The following UBE2D4 variants were observed in gnomAD, a reference collection of about 807,000 sequenced individuals.
UBE2D4 encodes ubiquitin conjugating enzyme E2 D4.
A neutral mutation model predicts 23.0 loss-of-function variants in UBE2D4; 17 were observed. That is an observed-to-expected ratio of 0.74 (90% confidence interval 0.51 to 1.11). UBE2D4 has a LOEUF of 1.11. UBE2D4 is among the 50% of genes least tolerant of loss of function. The probability of loss-of-function intolerance (pLI) is 0.00; values close to 1 mark genes in which losing one functional copy is unlikely to be tolerated. For synonymous variants in UBE2D4, 61 were observed against 69.4 expected (o/e 0.88, Z 0.60); for missense variants, 139 against 181.8 (o/e 0.76, Z 1.35).
At chr7:43,951,419 G>A (rs1335014637) in intron 6 of UBE2D4, among the ~76,000 whole-genome samples, 1 of 152,194 alleles carries the variant, frequency 6.6e-6, no homozygotes, top group African/African-American at 2.4e-5. Flanking sequence ...CTCAGTTGTG[G>A]ACCTTCAGGG....
At chr7:43,935,302 G>A (rs1562598958) in intron 1 of UBE2D4, among the ~76,000 whole-genome samples, 1 of 152,000 alleles carries the variant, frequency 6.6e-6, no homozygotes, top group Non-Finnish European at 1.5e-5. Flanking sequence ...TTAGGTTGGG[G>A]GCCCTTTTCT....
chr7:43,926,496 C>T lies in UBE2D4; in HGVS notation c.-37C>T. On this transcript the variant is annotated 5_prime_UTR_variant, in exon 1 of 7. Coordinates refer to ENST00000222402, the MANE Select transcript of UBE2D4 (RefSeq NM_015983.4). Reference sequence around the variant, plus strand: ...CGGCAGCGGGCCGCCTCAGGCAGCCCCGGCCGGGCCGCCCGGGTCCCCGGC... The same window carrying T: ...CGGCAGCGGGCCGCCTCAGGCAGCCTCGGCCGGGCCGCCCGGGTCCCCGGC... The T allele has an allele frequency of 4.7e-6, 7 of 1,489,816 alleles. No individual in the cohort carries two copies. The highest frequency in any genetic ancestry group is 6.3e-6 in the Non-Finnish European group (7 of 1,117,854). The allele number at this position is 1,489,816 out of a possible 1,614,324, so 92.3% of individuals were successfully genotyped here. A position where few individuals can be genotyped will look rare whatever the true frequency, so the allele number is the denominator to read the frequency against.
intron 1 of UBE2D4, among the ~76,000 whole-genome samples, chr7:43,932,135 G>A (rs752331563): frequency 2.1e-4 from 32 of 151,936 alleles, no homozygotes; most frequent in Non-Finnish European, 3.5e-4. Flanking sequence ...GACTACAGGC[G>A]CCTGCCACCA....
chr7:43,940,651 C>G (rs1028744565), intron 2 of UBE2D4, among the ~76,000 whole-genome samples: 9 of 152,198 alleles, frequency 5.9e-5, no homozygotes, highest in Non-Finnish European at 1.2e-4. Context: ...CCTGTATATC[C>G]TTTCTCGTCC....
intron 1 of UBE2D4, among the ~76,000 whole-genome samples, chr7:43,926,938 G>T (rs1028465849): frequency 6.6e-6 from 1 of 152,222 alleles, no homozygotes; most frequent in Non-Finnish European, 1.5e-5. Flanking sequence ...TGGGGAAAAG[G>T]GGAAAAGGCT....
At chr7:43,928,198 TG>T (rs1366076588) in intron 1 of UBE2D4, 20 of 307,224 alleles carry the variant, frequency 6.5e-5, no homozygotes, top group East Asian at 3.2e-4. Context: ...CTTATTATTG[TG>T]GGGGGGCCAC....
intron 4 of UBE2D4, among the ~76,000 whole-genome samples, chr7:43,947,433 G>C (rs2095990532): frequency 6.6e-6 from 1 of 152,142 alleles, no homozygotes; most frequent in Non-Finnish European, 1.5e-5. Flanking sequence ...GCCTGGCCCA[G>C]TGTTTGGTTT....
intron 5 of UBE2D4, among the ~76,000 whole-genome samples, chr7:43,950,387 T>C (rs2095999418): frequency 6.6e-6 from 1 of 152,064 alleles, no homozygotes; most frequent in African/African-American, 2.4e-5. Flanking sequence ...GAGGGAAGTA[T>C]CCTAGCACAG....
chr7:43,940,073 A>G (rs1233043821), intron 2 of UBE2D4, among the ~76,000 whole-genome samples: 1 of 152,232 alleles, frequency 6.6e-6, no homozygotes, highest in Non-Finnish European at 1.5e-5. Flanking sequence ...AAAGGAGGGC[A>G]TGGCATCATA....
In UBE2D4 at chr7:43,926,537, C is replaced by A. The variant is rs766557323; in HGVS notation, c.5C>A (p.Ala2Glu). M[A>E]LKRIQKELTD... ...GGTCCCCGGCAGCGGGGTAGGATGG[C>A]GCTAAAGCGGATCCAGAAGGTACGC... Residue 2 changes from alanine (A) to glutamate (E), a missense_variant, in exon 1 of 7, where the codon GCG becomes GAG. Ala to Glu is a moderately radical substitution (Grantham distance 107). Coordinates refer to ENST00000222402, the MANE Select transcript of UBE2D4 (RefSeq NM_015983.4). 6.4e-7 allele frequency: 1 copy of A among 1,565,182 alleles called. No homozygotes were observed. The highest frequency in any genetic ancestry group is 8.6e-7 in the Non-Finnish European group (1 of 1,159,644).
rs1721085222 is a variant in UBE2D4 at position 43,954,638 on chromosome 7, A to T, written c.*1943A>T. 6.6e-6 allele frequency: 1 copy of T among 152,144 alleles called. No homozygotes were observed. The highest frequency in any genetic ancestry group is 2.4e-5 in the African/African-American group (1 of 41,422). The allele number at this position is 152,144 out of a possible 1,614,324, so 9.4% of individuals were successfully genotyped here. ...TTGCTTAAACAAAACAATAAAGCTT[A>T]ATAGTTGGGGAGAATGCTGTTACCA... On this transcript the variant is annotated 3_prime_UTR_variant, in exon 7 of 7. Transcript: ENST00000222402.
intron 5 of UBE2D4, among the ~76,000 whole-genome samples, chr7:43,949,881 T>G (rs2095997822): frequency 6.6e-6 from 1 of 151,968 alleles, no homozygotes; most frequent in South Asian, 2.1e-4. Flanking sequence ...TGAGATCGAG[T>G]TTTGCTCTTG....
At chr7:43,948,803 G>C in intron 5 of UBE2D4, 66 bp downstream of exon 5, 1 of 1,276,656 alleles carries the variant, frequency 7.8e-7, no homozygotes, top group Non-Finnish European at 1.1e-6. Context: ...CACTGACTGA[G>C]TGGAAATGGA....
Position 43,926,518 on chromosome 7 carries a change from C to CCCG in UBE2D4, c.-15_-14insCCG. ...GCCCCGGCCGGGCCGCCCGGGTCCC[C>CCCG]GGCAGCGGGGTAGGATGGCGCTAAA... On this transcript the variant is annotated 5_prime_UTR_variant, in exon 1 of 7. Transcript: ENST00000222402. 1 of 1,528,668 alleles carries CCCG rather than the reference C, an allele frequency of 6.5e-7. No individual in the cohort carries two copies. The highest frequency in any genetic ancestry group is 8.8e-7 in the Non-Finnish European group (1 of 1,139,396). The allele number at this position is 1,528,668 out of a possible 1,614,324, so 94.7% of individuals were successfully genotyped here. A position where few individuals can be genotyped will look rare whatever the true frequency, so the allele number is the denominator to read the frequency against.
rs190098745 is a variant in UBE2D4 at position 43,927,884 on chromosome 7, G to A, written c.24+1328G>A. On this transcript the variant is annotated intron_variant, in intron 1 of 6. Coordinates refer to ENST00000222402, the MANE Select transcript of UBE2D4 (RefSeq NM_015983.4). ...TCAATACGAGTTAGCTGCTGTTATT[G>A]TTCAAAATTCTTCACTAAGTATTTG... The A allele has an allele frequency of 4.5e-4, 157 of 348,444 alleles. 2 individuals are homozygous for A. Among genetic ancestry groups the A allele is most frequent in the African/African-American group, 3.2e-3 (147 of 46,188 alleles). 21.6% of individuals were successfully genotyped at this position (348,444 alleles called of 1,614,324 possible). A position where few individuals can be genotyped will look rare whatever the true frequency, so the allele number is the denominator to read the frequency against.
intron 1 of UBE2D4, among the ~76,000 whole-genome samples, chr7:43,930,238 C>T (rs1410651366): frequency 6.6e-6 from 1 of 152,044 alleles, no homozygotes; most frequent in Admixed American, 6.6e-5. Context: ...GTGAGTTGAC[C>T]AGAACTGAAC....
At chr7:43,928,004 G>C in intron 1 of UBE2D4, 1 of 450,100 alleles carries the variant, frequency 2.2e-6, no homozygotes, top group Non-Finnish European at 4.4e-6. Flanking sequence ...TTTGGCTCTC[G>C]GTTCTGCAGG....
Position 43,953,473 on chromosome 7 carries a change from CTA to C in UBE2D4, c.*779_*780del, listed in dbSNP as rs1184090196. On this transcript the variant is annotated 3_prime_UTR_variant, in exon 7 of 7. Coordinates refer to ENST00000222402, the MANE Select transcript of UBE2D4 (RefSeq NM_015983.4). ...CCCGCTCCTCCCATAGGAGCCTACACTAAGTCCAAGTGTGAGCCATTCACAGA... is the reference window on the plus strand; with the variant it reads ...CCCGCTCCTCCCATAGGAGCCTACACAGTCCAAGTGTGAGCCATTCACAGA... 3.2e-6 allele frequency: 1 copy of C among 315,592 alleles called. No individual in the cohort carries two copies. The highest frequency in any genetic ancestry group is 4.7e-5 in the Admixed American group (1 of 21,400). 19.5% of individuals were successfully genotyped at this position (315,592 alleles called of 1,614,324 possible). A position where few individuals can be genotyped will look rare whatever the true frequency, so the allele number is the denominator to read the frequency against.
intron 2 of UBE2D4, among the ~76,000 whole-genome samples, chr7:43,938,966 A>T (rs1051518131): frequency 2.0e-5 from 3 of 152,270 alleles, no homozygotes; most frequent in Non-Finnish European, 4.4e-5. Context: ...AGTTCACAGC[A>T]GCTTGGCTGG....
Sources: allele counts gnomAD v4.1 joint callset (sites outside exome capture counted in the v4.1 genomes callset), GRCh38; gene constraint gnomAD v4.1.1; transcripts MANE v1.5; gene names NCBI Gene and HGNC (gene_info 2026-07-23, HGNC 2026-07-21).